NSMCE2: variants seen among roughly 807,000 people sequenced by gnomAD.
The protein encoded by NSMCE2 is E3 SUMO-protein ligase NSE2.
A neutral mutation model predicts 23.8 loss-of-function variants in NSMCE2; 24 were observed. That is an observed-to-expected ratio of 1.01 (90% CI 0.73 to 1.42). The LOEUF is 1.42. Among genes scored for constraint, NSMCE2 ranks in the 40% most tolerant of loss-of-function variants. The pLI is 0.00. For missense variants in NSMCE2, 284 were observed against 296.5 expected (o/e 0.96, Z 0.31); for synonymous variants, 92 against 94.1 (o/e 0.98, Z 0.13).
intron 5 of NSMCE2, among the ~76,000 whole-genome samples, chr8:125,250,969 TATG>T (rs531016884): frequency 3.3e-5 from 5 of 152,328 alleles, no homozygotes; most frequent in Non-Finnish European, 7.4e-5. Context: ...ACATGCACAA[TATG>T]ATCCTATTTT....
At chr8:125,267,905 G>A (rs1388339773) in intron 5 of NSMCE2, among the ~76,000 whole-genome samples, 2 of 152,118 alleles carry the variant, frequency 1.3e-5, no homozygotes, top group Non-Finnish European at 2.9e-5. Context: ...GAAAGAGAAA[G>A]CAGAGAGAGT....
intron 5 of NSMCE2, among the ~76,000 whole-genome samples, chr8:125,279,796 A>G (rs966209023): frequency 3.9e-5 from 6 of 152,326 alleles, no homozygotes; most frequent in South Asian, 4.1e-4. Context: ...TTGTTAAGTG[A>G]CATTATAAAA....
intron 5 of NSMCE2, among the ~76,000 whole-genome samples, chr8:125,352,507 G>T (rs541712543): frequency 6.6e-6 from 1 of 151,802 alleles, no homozygotes; most frequent in African/African-American, 2.4e-5. Flanking sequence ...TGGGAGCAGA[G>T]GAGCTCCCAG....
At chr8:125,202,018 A>G (rs189529871) in intron 5 of NSMCE2, among the ~76,000 whole-genome samples, 1 of 152,376 alleles carries the variant, frequency 6.6e-6, no homozygotes, top group East Asian at 1.9e-4. Context: ...GGACCTGCCA[A>G]GCCAGGCACA....
chr8:125,347,936 G>T (rs1812848233), intron 5 of NSMCE2, among the ~76,000 whole-genome samples: 1 of 152,226 alleles, frequency 6.6e-6, no homozygotes, highest in African/African-American at 2.4e-5. Flanking sequence ...GGGTGGTAGA[G>T]TTGTTTAGAA....
intron 5 of NSMCE2, among the ~76,000 whole-genome samples, chr8:125,238,143 A>T (rs1163200994): frequency 6.6e-6 from 1 of 152,000 alleles, no homozygotes; most frequent in Non-Finnish European, 1.5e-5. Context: ...TCCCCTCCTA[A>T]CCCGGGTCTC....
chr8:125,351,733 G>A (rs562849639), intron 5 of NSMCE2, among the ~76,000 whole-genome samples: 16 of 152,174 alleles, frequency 1.1e-4, no homozygotes, highest in South Asian at 2.1e-4. Context: ...GGGGTTGGCC[G>A]GGCATGGTGG....
chr8:125,272,718 T>TA (rs1422752205), intron 5 of NSMCE2, among the ~76,000 whole-genome samples: 23 of 80,060 alleles, frequency 2.9e-4, no homozygotes, highest in Admixed American at 1.3e-3. Context: ...ATATATATAA[T>TA]ATATATATAT....
intron 5 of NSMCE2, among the ~76,000 whole-genome samples, chr8:125,337,983 G>C (rs1428251647): frequency 6.6e-6 from 1 of 151,784 alleles, no homozygotes; most frequent in Non-Finnish European, 1.5e-5. Flanking sequence ...AAGATAGTCT[G>C]ATTCCTCTCA....
intron 3 of NSMCE2, among the ~76,000 whole-genome samples, chr8:125,111,403 G>T (rs1386241120): frequency 6.6e-6 from 1 of 151,944 alleles, no homozygotes; most frequent in Non-Finnish European, 1.5e-5. Flanking sequence ...GTAAGTATGG[G>T]TGAAAAAAAA....
At chr8:125,138,016 A>G (rs1820158784) in intron 3 of NSMCE2, among the ~76,000 whole-genome samples, 1 of 152,228 alleles carries the variant, frequency 6.6e-6, no homozygotes, top group African/African-American at 2.4e-5. Context: ...GTCACAGAAA[A>G]TCAGGGAGAC....
chr8:125,179,803 T>TCAC (rs1325155563), intron 4 of NSMCE2, among the ~76,000 whole-genome samples: 1 of 152,210 alleles, frequency 6.6e-6, no homozygotes, highest in Non-Finnish European at 1.5e-5. Context: ...CACTCAGTCT[T>TCAC]CACCTCCTCA....
chr8:125,168,020 G>T (rs1821984452), intron 4 of NSMCE2, among the ~76,000 whole-genome samples: 1 of 152,100 alleles, frequency 6.6e-6, no homozygotes, highest in South Asian at 2.1e-4. Flanking sequence ...TACAGTTCGG[G>T]TATTTCATTT....
intron 1 of NSMCE2, among the ~76,000 whole-genome samples, chr8:125,100,349 T>A (rs1454493685): frequency 6.6e-6 from 1 of 152,118 alleles, no homozygotes; most frequent in Non-Finnish European, 1.5e-5. Context: ...TGAATGCCCT[T>A]CTCCATTACC....
intron 5 of NSMCE2, among the ~76,000 whole-genome samples, chr8:125,301,819 A>T (rs1828577438): frequency 6.6e-6 from 1 of 151,890 alleles, no homozygotes. Context: ...CCAACCAACC[A>T]TGCCCGGCTA....
chr8:125,211,058 C>T (rs960582210), intron 5 of NSMCE2, among the ~76,000 whole-genome samples: 1 of 152,082 alleles, frequency 6.6e-6, no homozygotes, highest in East Asian at 1.9e-4. Flanking sequence ...ATTCCCACTA[C>T]CTTTTGTGGG....
intron 5 of NSMCE2, among the ~76,000 whole-genome samples, chr8:125,349,565 A>G (rs1268302431): frequency 6.7e-6 from 1 of 148,520 alleles, no homozygotes; most frequent in Non-Finnish European, 1.5e-5. Flanking sequence ...CCTCAGCAAC[A>G]TAGTGAGAGC....
At chr8:125,155,900 GA>G in intron 4 of NSMCE2, 2 of 438,816 alleles carry the variant, frequency 4.6e-6, no homozygotes, top group Admixed American at 2.5e-5. Context: ...TTCTCACAGG[GA>G]AAATGATGGG....
intron 5 of NSMCE2, among the ~76,000 whole-genome samples, chr8:125,221,285 A>G (rs768675078): frequency 6.6e-6 from 1 of 152,194 alleles, no homozygotes; most frequent in Non-Finnish European, 1.5e-5. Context: ...TCACTTTGTC[A>G]CCCATGCTGA....
Sources: gnomAD v4.1 joint callset for allele counts (sites outside exome capture counted in the v4.1 genomes callset) on GRCh38, gnomAD v4.1.1 for gene constraint, MANE v1.5 for transcripts, NCBI Gene and HGNC (gene_info 2026-07-23, HGNC 2026-07-21) for gene names.